Variants in DLG2 observed in about 807,000 individuals in gnomAD.
The protein encoded by DLG2 is disks large homolog 2.
A neutral mutation model predicts 132.5 loss-of-function variants in DLG2; 45 were observed. That is an observed-to-expected ratio of 0.34 (90% CI 0.27 to 0.44). The LOEUF (loss-of-function observed/expected upper bound fraction) is 0.44, where lower values mean the gene tolerates loss of function less well. DLG2 is among the 20% of genes least tolerant of loss of function. The probability of loss-of-function intolerance (pLI) is 1.00; values close to 1 mark genes in which losing one functional copy is unlikely to be tolerated. For synonymous variants in DLG2, 424 were observed against 419.6 expected (o/e 1.01, Z -0.13); for missense variants, 1,045 against 1,196.9 (o/e 0.87, Z 1.87).
Position 85,008,130 on chromosome 11 carries a change from G to C in DLG2, c.357+103531C>G, listed in dbSNP as rs190718270. Among the ~76,000 whole-genome samples the C allele has an allele frequency of 3.3e-5, 5 of 152,150 alleles. No individual in the cohort carries two copies. The East Asian group carries it at 9.7e-4, about 29-fold the overall frequency. ...ATAGCATTACATTATTTTATGTTAG[G>C]TTTCTGCCATGAAATGAGTTTTGAT... On this transcript the variant is annotated intron_variant, in intron 6 of 27. Coordinates refer to ENST00000376104, the MANE Select transcript of DLG2 (RefSeq NM_001142699.3).
intron 18 of DLG2, among the ~76,000 whole-genome samples, chr11:83,705,112 A>G (rs1375705815): frequency 6.6e-6 from 1 of 152,226 alleles, no homozygotes; most frequent in Non-Finnish European, 1.5e-5. Context: ...AATGTGATAT[A>G]CCTAACTTGT....
intron 12 of DLG2, among the ~76,000 whole-genome samples, 185 bp from the exon 13 acceptor site, chr11:83,965,653 T>A (rs2154160009): frequency 6.6e-6 from 1 of 152,118 alleles, no homozygotes; most frequent in East Asian, 1.9e-4. Context: ...AAAATAAGGT[T>A]GCTTCTGCCT....
At chr11:85,451,746 C>T (rs758868976) in intron 3 of DLG2, among the ~76,000 whole-genome samples, 5 of 152,164 alleles carry the variant, frequency 3.3e-5, no homozygotes, top group Non-Finnish European at 7.4e-5. Flanking sequence ...AACAGGGTCT[C>T]GCTGTGTTGC....
chr11:84,773,601 T>G (rs999093334), intron 6 of DLG2, among the ~76,000 whole-genome samples: 3 of 152,188 alleles, frequency 2.0e-5, no homozygotes, highest in Non-Finnish European at 4.4e-5. Flanking sequence ...ATTCCTGGGA[T>G]GCAAAGTTGG....
chr11:85,079,013 A>G (rs2066901076), intron 6 of DLG2, among the ~76,000 whole-genome samples: 1 of 129,202 alleles, frequency 7.7e-6, no homozygotes, highest in South Asian at 3.2e-4. Flanking sequence ...GCTTTCTTTT[A>G]TGTGTTTTAG....
intron 6 of DLG2, among the ~76,000 whole-genome samples, chr11:85,092,579 G>A (rs972708016): frequency 1.3e-5 from 2 of 151,178 alleles, no homozygotes; most frequent in Non-Finnish European, 2.9e-5. Flanking sequence ...GGATACTAAA[G>A]ACAGTTGCCT....
At chr11:83,473,559 T>G (rs1277101465) in intron 22 of DLG2, among the ~76,000 whole-genome samples, 2 of 152,142 alleles carry the variant, frequency 1.3e-5, no homozygotes, top group African/African-American at 2.4e-5. Context: ...AATTAATTGG[T>G]CAGAGGATTA....
intron 6 of DLG2, among the ~76,000 whole-genome samples, chr11:84,801,607 T>G (rs1363704965): frequency 6.6e-6 from 1 of 152,192 alleles, no homozygotes; most frequent in African/African-American, 2.4e-5. Flanking sequence ...TCGCTGGAAT[T>G]ACTGTGAGAT....
intron 7 of DLG2, among the ~76,000 whole-genome samples, chr11:84,255,978 C>A (rs1301366936): frequency 1.3e-5 from 2 of 151,798 alleles, no homozygotes; most frequent in Non-Finnish European, 2.9e-5. Context: ...TACAGAGAAG[C>A]AAGAAGCAAG....
chr11:85,176,454 A>T lies in DLG2; in HGVS notation c.187-21803T>A, dbSNP rs936494294. On this transcript the variant is annotated intron_variant, in intron 4 of 27. Transcript: ENST00000376104. ...GGACCATTTCCTTACACAATATACA[A>T]ATTTAACTCAAGATGGATTAATGAT... Among the ~76,000 whole-genome samples, 4 of 152,218 alleles carry T rather than the reference A, an allele frequency of 2.6e-5. No homozygotes were observed. In the South Asian group the frequency reaches 8.3e-4, roughly 31 times the overall value.
chr11:83,518,059 A>G (rs1326465144), intron 21 of DLG2, among the ~76,000 whole-genome samples: 2 of 152,182 alleles, frequency 1.3e-5, no homozygotes, highest in Non-Finnish European at 2.9e-5. Context: ...GTCAGACAGG[A>G]ACATTTAAGT....
At chr11:84,863,256 C>A (rs1300878216) in intron 6 of DLG2, among the ~76,000 whole-genome samples, 1 of 152,058 alleles carries the variant, frequency 6.6e-6, no homozygotes, top group Non-Finnish European at 1.5e-5. Context: ...TAGCTTCTGA[C>A]CCAGTGCCAG....
chr11:83,644,508 C>T (rs1180058349), intron 18 of DLG2, among the ~76,000 whole-genome samples: 3 of 152,068 alleles, frequency 2.0e-5, no homozygotes, highest in African/African-American at 4.8e-5. Context: ...GATTCTCCCT[C>T]AATCTGAAGA....
At chr11:84,182,491 T>A (rs923434768) in intron 8 of DLG2, among the ~76,000 whole-genome samples, 3 of 151,362 alleles carry the variant, frequency 2.0e-5, no homozygotes, top group African/African-American at 7.3e-5. Flanking sequence ...ATCATGCTAC[T>A]GCACTCAAGC....
intron 7 of DLG2, among the ~76,000 whole-genome samples, chr11:84,358,604 A>G (rs1438854870): frequency 6.6e-6 from 1 of 151,832 alleles, no homozygotes; most frequent in Non-Finnish European, 1.5e-5. Flanking sequence ...ACCACCCAGG[A>G]ACAAAGACTT....
intron 3 of DLG2, among the ~76,000 whole-genome samples, chr11:85,363,371 G>A (rs2084302878): frequency 6.6e-6 from 1 of 152,204 alleles, no homozygotes; most frequent in Non-Finnish European, 1.5e-5. Flanking sequence ...GAAAGGAAAG[G>A]AGGCTTGAAC....
chr11:85,059,292 G>A (rs2063783457), intron 6 of DLG2, among the ~76,000 whole-genome samples: 1 of 151,338 alleles, frequency 6.6e-6, no homozygotes, highest in Admixed American at 6.6e-5. Flanking sequence ...TAGAGCAGCT[G>A]GAAGTAACAT....
At chr11:84,075,957 T>C (rs1430214931) in intron 10 of DLG2, among the ~76,000 whole-genome samples, 1 of 152,222 alleles carries the variant, frequency 6.6e-6, no homozygotes, top group Non-Finnish European at 1.5e-5. Flanking sequence ...ACACTTGTTC[T>C]CATTTGTGGA....
chr11:84,589,359 G>GGC (rs1011473855), intron 6 of DLG2, among the ~76,000 whole-genome samples: 5 of 152,090 alleles, frequency 3.3e-5, no homozygotes, highest in Non-Finnish European at 5.9e-5. Flanking sequence ...GAAGGCATGA[G>GGC]ACCATAGAGT....
Sources: gnomAD v4.1 joint callset for allele counts (sites outside exome capture counted in the v4.1 genomes callset) on GRCh38, gnomAD v4.1.1 for gene constraint, MANE v1.5 for transcripts, NCBI Gene and HGNC (gene_info 2026-07-23, HGNC 2026-07-21) for gene names.